The following NUMA1 variants were observed in gnomAD, a reference collection of about 807,000 sequenced individuals.
NUMA1 encodes nuclear mitotic apparatus protein 1.
Under a neutral mutation model 237.1 loss-of-function variants are expected in NUMA1, and 62 were observed. The observed-to-expected ratio is 0.26, with a 90% confidence interval of 0.21 to 0.32. The LOEUF is 0.32. Ranked by LOEUF, NUMA1 falls within the 10% of genes least tolerant of loss-of-function variation. NUMA1 has a pLI of 1.00. For synonymous variants in NUMA1, 1,028 were observed against 1,066.1 expected, an observed-to-expected ratio of 0.96 and a Z score of 0.70; for missense variants, 2,533 against 2,666.5, an observed-to-expected ratio of 0.95 and a Z score of 1.10.
At chr11:72,045,275 C>A (rs556859205) in intron 2 of NUMA1, among the ~76,000 whole-genome samples, 32 of 152,172 alleles carry the variant, frequency 2.1e-4, no homozygotes, top group Admixed American at 5.2e-4. Context: ...CAGACCAAGG[C>A]TCATTGCTGT....
At chr11:72,034,843 T>C (rs1344767103) in intron 3 of NUMA1, among the ~76,000 whole-genome samples, 1 of 152,122 alleles carries the variant, frequency 6.6e-6, no homozygotes, top group Admixed American at 6.6e-5. Flanking sequence ...TCTGTTTCTT[T>C]AGCTTTATTT....
intron 21 of NUMA1, among the ~76,000 whole-genome samples, chr11:72,006,550 A>G (rs142113881): frequency 4.6e-5 from 7 of 152,290 alleles, no homozygotes; most frequent in Non-Finnish European, 1.0e-4. Context: ...TTGGAGATGA[A>G]GTGCAAAGAA....
intron 19 of NUMA1, 60 bp downstream of exon 19, chr11:72,008,907 G>A: frequency 6.2e-7 from 1 of 1,612,442 alleles, no homozygotes; most frequent in Non-Finnish European, 8.5e-7. Context: ...GGCCTAGGAG[G>A]AGAGGGCACA....
chr11:72,032,206 A>AT (rs913268707), intron 3 of NUMA1, among the ~76,000 whole-genome samples: 1 of 151,936 alleles, frequency 6.6e-6, no homozygotes, highest in African/African-American at 2.4e-5. Context: ...ACAGATTAAA[A>AT]TTTTTTTTAA....
chr11:72,039,319 C>A (rs1253807715), intron 2 of NUMA1, among the ~76,000 whole-genome samples: 1 of 152,208 alleles, frequency 6.6e-6, no homozygotes. Context: ...AGTGATAGGC[C>A]AAAGGCCAGA....
chr11:72,064,915 G>C lies in NUMA1; in HGVS notation c.-33+4927C>G, dbSNP rs182429153. Among the ~76,000 whole-genome samples, 568 of 152,304 alleles carry C rather than the reference G, an allele frequency of 3.7e-3. 4 individuals carry two copies. Among genetic ancestry groups the C allele is most frequent in the African/African-American group, 0.013 (549 of 41,564 alleles). Reference sequence around the variant, plus strand: ...GAAACTATATATACAAATATTTATAGACAGATAGATATATCATATACATAT... The same window carrying C: ...GAAACTATATATACAAATATTTATACACAGATAGATATATCATATACATAT... On this transcript the variant is annotated intron_variant, in intron 2 of 26. Transcript: ENST00000393695.
At position 72,005,224 on chromosome 11, in the gene NUMA1, A is replaced by G. The variant is rs779796923; in HGVS notation, c.5829+9T>C. On this transcript the variant is annotated intron_variant, in intron 23 of 26. Coordinates refer to ENST00000393695, the MANE Select transcript of NUMA1 (RefSeq NM_006185.4). ...ATGGGAGGCCCTGCACAGTGACCCC[A>G]GGCCTCACCCTGGACTCCAGGGGAT... 4.4e-6 allele frequency: 7 copies of G among 1,589,628 alleles called. No homozygotes were observed. In the South Asian group the frequency reaches 7.9e-5, roughly 18 times the overall value.
chr11:72,018,040 G>T (rs756407894), intron 12 of NUMA1, 143 bp downstream of exon 12: 2 of 920,934 alleles, frequency 2.2e-6, no homozygotes, highest in Non-Finnish European at 3.4e-6. Context: ...ATGGGATAAG[G>T]AAAGGGGCAA....
chr11:72,057,075 CA>C (rs35648032), intron 2 of NUMA1, among the ~76,000 whole-genome samples: 2,882 of 90,176 alleles, frequency 0.032, 53 homozygotes, highest in African/African-American at 0.068. Context: ...ATTAAAAAAG[CA>C]AAAAAAAAAA....
chr11:72,017,877 C>A, intron 12 of NUMA1, 50 bp from the exon 13 acceptor site: 1 of 1,572,758 alleles, frequency 6.4e-7, no homozygotes. Flanking sequence ...ACGCTGACCC[C>A]ACCACTGCTG....
Position 72,014,708 on chromosome 11 carries a change from G to A in NUMA1, c.2795C>T (p.Thr932Ile), listed in dbSNP as rs372820204. ...CTCCTTGACTAACTCCCGGGAGGCT[G>A]TTTCCTGCTGCTCACCTGCCTTGCG... ...LVRKAGEQQE[T>I]ASRELVKEPA... Residue 932 changes from threonine to isoleucine, a missense_variant, in exon 15 of 27, where the codon ACA (threonine) becomes ATA (isoleucine). Physicochemically the swap from Thr to Ile is moderately conservative, Grantham distance 89 (BLOSUM62 -1). This residue lies in a region of NUMA1 where 1,414 missense variants were observed against 1,508.1 expected (regional missense o/e 0.94). Transcript: ENST00000393695. The surrounding 1 kb of genome is among the most constrained non-coding windows in gnomAD (Gnocchi z 4.6). The A allele has an allele frequency of 8.4e-5, 135 of 1,613,830 alleles. No individual in the cohort carries two copies. Among genetic ancestry groups the A allele is most frequent in the Middle Eastern group, 8.2e-4 (5 of 6,084 alleles).
chr11:72,075,001 T>G (rs1943641222), intron 1 of NUMA1, among the ~76,000 whole-genome samples: 1 of 150,614 alleles, frequency 6.6e-6, no homozygotes, highest in South Asian at 2.1e-4. Flanking sequence ...GCAATTGCAC[T>G]CCAGCCTGGG....
At position 72,067,751 on chromosome 11, in the gene NUMA1, A is replaced by G. The variant is rs1425198755; in HGVS notation, c.-33+2091T>C. 6 of 152,300 alleles carry G rather than the reference A, an allele frequency of 3.9e-5. No individual in the cohort carries two copies. In the East Asian group the frequency reaches 1.2e-3, roughly 29 times the overall value. The allele number at this position is 152,300 out of a possible 1,614,324, so 9.4% of individuals were successfully genotyped here. On this transcript the variant is annotated intron_variant, in intron 2 of 26. Transcript: ENST00000393695. ...ATTTTTAGCATCTCTTAACTCTTTC[A>G]ATATAAAAATGAGGAAAACAATGTT... is the stretch of plus-strand genomic sequence containing the variant.
At position 72,080,105 on chromosome 11, in the gene NUMA1, A is replaced by G. The variant is rs560763820; in HGVS notation, c.-103+353T>C. ...CTCAGAAAATGCTGACTACTGCACT[A>G]CCATAACTACTGCTATTGTTAACGA... On this transcript the variant is annotated intron_variant, in intron 1 of 26. Coordinates refer to ENST00000393695, the MANE Select transcript of NUMA1 (RefSeq NM_006185.4). Among the ~76,000 whole-genome samples the G allele has an allele frequency of 3.3e-5, 5 of 152,244 alleles. No homozygotes were observed. The East Asian group carries it at 7.7e-4, about 24-fold the overall frequency.
At chr11:72,047,286 A>C (rs946129069) in intron 2 of NUMA1, among the ~76,000 whole-genome samples, 2 of 152,142 alleles carry the variant, frequency 1.3e-5, no homozygotes, top group Admixed American at 6.5e-5. Context: ...CAGGAGTTCA[A>C]GACCAGCCTG....
In NUMA1 at chr11:72,014,042, C is replaced by T. The variant is rs1268581069; in HGVS notation, c.3461G>A (p.Arg1154Gln). 16 of 1,610,844 alleles carry T rather than the reference C, an allele frequency of 9.9e-6. No individual in the cohort carries two copies. The highest frequency in any genetic ancestry group is 5.3e-5 in the African/African-American group (4 of 74,894). Residue 1154 changes from arginine to glutamine, a missense_variant, in exon 15 of 27, where the codon CGG becomes CAG. This residue lies in a region of NUMA1 where 1,414 missense variants were observed against 1,508.1 expected (regional missense o/e 0.94). Coordinates refer to ENST00000393695, the MANE Select transcript of NUMA1 (RefSeq NM_006185.4). This position sits in a 1 kb window ranked among gnomAD's most constrained non-coding sequence, Gnocchi z 4.6. ...DSLERSLEAE[R>Q]ASRAERDSAL... ...ACTGTCCCGCTCAGCCCGGGAGGCC[C>T]GCTCAGCCTCGAGGCTGCGTTCCAG...
At chr11:72,018,084 G>T in intron 12 of NUMA1, 99 bp downstream of exon 12, 1 of 1,028,432 alleles carries the variant, frequency 9.7e-7, no homozygotes, top group Non-Finnish European at 1.5e-6. Flanking sequence ...TGAAGCATAA[G>T]ACAGGTGCTG....
chr11:72,004,212 G>A lies in NUMA1; in HGVS notation c.6123+13C>T. On this transcript the variant is annotated intron_variant, in intron 25 of 26. Transcript: ENST00000393695. The stretch of plus-strand genomic sequence containing the variant: ...CAGGGCGTCGCTTCATCCCCCTTCA[G>A]CCCCAGCCTCACCTGTTTAGTAGAA... The A allele has an allele frequency of 6.2e-7, 1 of 1,608,416 alleles. No homozygotes were observed. The highest frequency in any genetic ancestry group is 8.5e-7 in the Non-Finnish European group (1 of 1,177,862).
In NUMA1 at chr11:72,024,271, T is replaced by C; in HGVS notation, c.208+3A>G. 6.2e-7 allele frequency: 1 copy of C among 1,613,964 alleles called. No individual in the cohort carries two copies. The highest frequency in any genetic ancestry group is 1.1e-5 in the South Asian group (1 of 91,082). On this transcript the variant is annotated splice_donor_region_variant and intron_variant, in intron 5 of 26. Transcript: ENST00000393695. Reference sequence around the variant, plus strand: ...TTCATAGCTGGATAAGAAAGGTGCTTACTCTGCAGAAAACTGCACACAAAG... The same window carrying C: ...TTCATAGCTGGATAAGAAAGGTGCTCACTCTGCAGAAAACTGCACACAAAG...
Sources: allele counts gnomAD v4.1 joint callset (sites outside exome capture counted in the v4.1 genomes callset), GRCh38; gene constraint gnomAD v4.1.1; regional missense constraint gnomAD v4.1.1; non-coding constraint Gnocchi (gnomAD v3.1); transcripts MANE v1.5; gene names NCBI Gene and HGNC (gene_info 2026-07-23, HGNC 2026-07-21).